The following DOCK5 variants were observed in gnomAD, a reference collection of about 807,000 sequenced individuals.
DOCK5 encodes the protein dedicator of cytokinesis 5.
DOCK5 carries 142 observed loss-of-function variants against 251.8 expected under a neutral mutation model. The observed-to-expected ratio is 0.56, with a 90% CI of 0.49 to 0.65. DOCK5 has a LOEUF of 0.65. DOCK5 is among the 30% of genes least tolerant of loss of function. DOCK5 has a pLI of 0.00. For missense variants in DOCK5, 2,111 were observed against 2,312.3 expected (o/e 0.91, Z 1.79); for synonymous variants, 842 against 835.5 (o/e 1.01, Z -0.13).
chr8:25,260,382 C>T (rs1024494663), intron 2 of DOCK5, among the ~76,000 whole-genome samples: 2 of 150,950 alleles, frequency 1.3e-5, no homozygotes, highest in Non-Finnish European at 2.9e-5. Flanking sequence ...CAAACACACA[C>T]ATAATGCAGG....
At chr8:25,356,907 TTATA>T (rs34216387) in intron 27 of DOCK5, among the ~76,000 whole-genome samples, 12,185 of 129,818 alleles carry the variant, frequency 0.094, 609 homozygotes, top group East Asian at 0.13. Context: ...TATATGAAGA[TTATA>T]TATATATATA....
intron 1 of DOCK5, among the ~76,000 whole-genome samples, chr8:25,235,343 C>T (rs1802768443): frequency 6.6e-6 from 1 of 152,170 alleles, no homozygotes; most frequent in Admixed American, 6.5e-5. Flanking sequence ...TCACTGAAGC[C>T]TCAACCTCCT....
chr8:25,284,858 C>T (rs1397952617), intron 5 of DOCK5, among the ~76,000 whole-genome samples: 1 of 152,200 alleles, frequency 6.6e-6, no homozygotes, highest in African/African-American at 2.4e-5. Context: ...GCAGTGTATT[C>T]GTGGACACAG....
chr8:25,306,599 C>T (rs1183974030), intron 11 of DOCK5, among the ~76,000 whole-genome samples: 1 of 151,618 alleles, frequency 6.6e-6, no homozygotes, highest in Non-Finnish European at 1.5e-5. Flanking sequence ...GAGGCTGAGG[C>T]AGGAGAATGG....
intron 42 of DOCK5, 149 bp downstream of exon 42, chr8:25,390,436 G>C (rs950557746): frequency 1.2e-5 from 8 of 651,276 alleles, no homozygotes; most frequent in Non-Finnish European, 2.0e-5. Flanking sequence ...GTGGGATGCT[G>C]TCTCTACAAA....
chr8:25,375,054 A>G, intron 37 of DOCK5: 2 of 965,932 alleles, frequency 2.1e-6, no homozygotes, highest in South Asian at 4.5e-5. Flanking sequence ...GTTGTGGTTT[A>G]GATATAAATA....
intron 27 of DOCK5, among the ~76,000 whole-genome samples, chr8:25,358,736 T>A (rs13265355): frequency 0.31 from 46,858 of 152,068 alleles, 7,452 homozygotes; most frequent in East Asian, 0.35. Flanking sequence ...TCCACACTTC[T>A]TAGCTGTTAA....
chr8:25,334,380 G>C (rs1805752525), intron 21 of DOCK5, among the ~76,000 whole-genome samples, 184 bp downstream of exon 21: 1 of 152,178 alleles, frequency 6.6e-6, no homozygotes, highest in Non-Finnish European at 1.5e-5. Context: ...TCTGGAAAGG[G>C]GGCTAAGATC....
At chr8:25,190,104 C>T (rs1801538851) in intron 1 of DOCK5, among the ~76,000 whole-genome samples, 1 of 152,192 alleles carries the variant, frequency 6.6e-6, no homozygotes, top group Non-Finnish European at 1.5e-5. Context: ...TCAGGCTGGT[C>T]TGGAACTCCT....
intron 26 of DOCK5, among the ~76,000 whole-genome samples, chr8:25,348,690 T>C (rs1020926280): frequency 6.6e-6 from 1 of 151,912 alleles, no homozygotes; most frequent in African/African-American, 2.4e-5. Context: ...ATACAAAAAT[T>C]AGCTGGGCGT....
At position 25,366,858 on chromosome 8, in the gene DOCK5, A is replaced by G. The variant is rs1193952464; in HGVS notation, c.3124-12A>G. The G allele has an allele frequency of 6.2e-7, 1 of 1,608,718 alleles. No homozygotes were observed. The highest frequency in any genetic ancestry group is 8.5e-7 in the Non-Finnish European group (1 of 1,175,956). ...TTCATTTCCCTTTACCCACACAATTAATTTTGAACAGCTCTGGAACAATTA... is the reference window on the plus strand; with the variant it reads ...TTCATTTCCCTTTACCCACACAATTGATTTTGAACAGCTCTGGAACAATTA... On this transcript the variant is annotated splice_polypyrimidine_tract_variant and intron_variant, in intron 30 of 51. Coordinates refer to ENST00000276440, the MANE Select transcript of DOCK5 (RefSeq NM_024940.8).
At chr8:25,195,989 T>C (rs1801715368) in intron 1 of DOCK5, among the ~76,000 whole-genome samples, 1 of 152,176 alleles carries the variant, frequency 6.6e-6, no homozygotes, top group South Asian at 2.1e-4. Flanking sequence ...GCCCACACTT[T>C]GGAAAATACC....
chr8:25,333,851 A>C (rs1233633212), intron 20 of DOCK5, among the ~76,000 whole-genome samples: 1 of 152,140 alleles, frequency 6.6e-6, no homozygotes, highest in Non-Finnish European at 1.5e-5. Flanking sequence ...CCCTGAGGCC[A>C]AGGATGCTGG....
intron 18 of DOCK5, among the ~76,000 whole-genome samples, chr8:25,327,078 A>G (rs975282331): frequency 2.6e-5 from 4 of 152,174 alleles, no homozygotes; most frequent in African/African-American, 9.7e-5. Context: ...ATCTCTGTGA[A>G]TTGGTTTCCT....
intron 48 of DOCK5, among the ~76,000 whole-genome samples, chr8:25,406,443 A>T (rs763801024): frequency 2.0e-5 from 3 of 152,222 alleles, no homozygotes; most frequent in Non-Finnish European, 4.4e-5. Flanking sequence ...ATTACATCAT[A>T]AAAATAACCT....
chr8:25,387,614 A>G (rs564830558), intron 40 of DOCK5, among the ~76,000 whole-genome samples: 18 of 152,204 alleles, frequency 1.2e-4, no homozygotes, highest in Non-Finnish European at 1.6e-4. Flanking sequence ...CCTGCCTTCC[A>G]GAACCTCCAG....
At chr8:25,334,990 C>G in intron 21 of DOCK5, among the ~76,000 whole-genome samples, 1 of 152,192 alleles carries the variant, frequency 6.6e-6, no homozygotes, top group South Asian at 2.1e-4. Flanking sequence ...TGCCTTCTAT[C>G]ATTGGTTTAT....
In DOCK5 at chr8:25,403,593, G is replaced by C. The variant is rs772479610; in HGVS notation, c.4962G>C (p.Thr1654=). 3.1e-6 allele frequency: 5 copies of C among 1,613,794 alleles called. No individual in the cohort carries two copies. The African/African-American group carries it at 4.0e-5, about 13-fold the overall frequency. ...TGACGGAGAGGAAGCAAAGCCGCACGGGGTCTATTGTGCTCCCCTACATCA... is the reference window on the plus strand; with the variant it reads ...TGACGGAGAGGAAGCAAAGCCGCACCGGGTCTATTGTGCTCCCCTACATCA... ...PNLTERKQSR[T]GSIVLPYIMS... Residue 1654 remains threonine, a synonymous_variant, in exon 48 of 52, where the codon ACG becomes ACC. Coordinates refer to ENST00000276440, the MANE Select transcript of DOCK5 (RefSeq NM_024940.8).
chr8:25,304,542 A>G (rs1419128755), intron 11 of DOCK5: 4 of 475,930 alleles, frequency 8.4e-6, no homozygotes, highest in Non-Finnish European at 1.5e-5. Flanking sequence ...TCCTGATTCT[A>G]TAGAAAGCAT....
Sources: gnomAD v4.1 joint callset for allele counts (sites outside exome capture counted in the v4.1 genomes callset) on GRCh38, gnomAD v4.1.1 for gene constraint, MANE v1.5 for transcripts, NCBI Gene and HGNC (gene_info 2026-07-23, HGNC 2026-07-21) for gene names.